FBXL17: variants seen among roughly 807,000 people sequenced by gnomAD.
The protein encoded by FBXL17 is F-box/LRR-repeat protein 17.
A neutral mutation model predicts 66.2 loss-of-function variants in FBXL17; 22 were observed. That is an observed-to-expected ratio of 0.33 (90% CI 0.24 to 0.47). The LOEUF is 0.47. Among genes scored for constraint, FBXL17 ranks in the 20% least tolerant of loss-of-function variants. The pLI is 1.00. For synonymous variants in FBXL17, 474 were observed against 400.5 expected (o/e 1.18, Z -2.19); for missense variants, 878 against 948.2 (o/e 0.93, Z 0.97).
chr5:108,144,291 T>C (rs772069166), intron 6 of FBXL17, among the ~76,000 whole-genome samples: 3 of 152,102 alleles, frequency 2.0e-5, no homozygotes, highest in Non-Finnish European at 4.4e-5. Flanking sequence ...AAAAAACCAA[T>C]TCTATATGAA....
intron 7 of FBXL17, among the ~76,000 whole-genome samples, chr5:107,990,690 A>T (rs1753204563): frequency 6.6e-6 from 1 of 152,186 alleles, no homozygotes; most frequent in African/African-American, 2.4e-5. Context: ...ATTAGTTACT[A>T]TTATGAATAA....
intron 6 of FBXL17, among the ~76,000 whole-genome samples, chr5:108,090,849 G>T (rs1026315403): frequency 2.6e-5 from 4 of 152,138 alleles, no homozygotes; most frequent in African/African-American, 7.2e-5. Flanking sequence ...ACCTTGGAAA[G>T]TTAGTTTTAC....
chr5:108,344,358 A>G (rs1166424764), intron 4 of FBXL17, among the ~76,000 whole-genome samples: 1 of 152,166 alleles, frequency 6.6e-6, no homozygotes, highest in Non-Finnish European at 1.5e-5. Context: ...GTCACAATTA[A>G]CTTTCAGGAA....
At chr5:107,981,441 T>A (rs1409854624) in intron 7 of FBXL17, among the ~76,000 whole-genome samples, 1 of 152,194 alleles carries the variant, frequency 6.6e-6, no homozygotes, top group Non-Finnish European at 1.5e-5. Flanking sequence ...TTCCACAGCA[T>A]ACAGATTTTG....
intron 6 of FBXL17, among the ~76,000 whole-genome samples, chr5:108,070,218 A>G (rs368053680): frequency 6.6e-6 from 1 of 152,194 alleles, no homozygotes; most frequent in African/African-American, 2.4e-5. Context: ...AGATCCACTA[A>G]CATGTAATCT....
intron 3 of FBXL17, among the ~76,000 whole-genome samples, chr5:108,349,109 CTT>C (rs1747479939): frequency 6.6e-6 from 1 of 152,060 alleles, no homozygotes; most frequent in South Asian, 2.1e-4. Flanking sequence ...CCCAGCCTCT[CTT>C]GAGTCTTAAT....
chr5:108,082,569 G>C (rs1748810988), intron 6 of FBXL17, among the ~76,000 whole-genome samples: 1 of 152,116 alleles, frequency 6.6e-6, no homozygotes, highest in Non-Finnish European at 1.5e-5. Flanking sequence ...AAAGTAGCAG[G>C]CTCTTCTGTT....
At chr5:107,916,319 C>G (rs769685695) in intron 7 of FBXL17, among the ~76,000 whole-genome samples, 1 of 152,180 alleles carries the variant, frequency 6.6e-6, no homozygotes, top group African/African-American at 2.4e-5. Context: ...TGGGAATGCT[C>G]TTTGTTGAGA....
intron 4 of FBXL17, among the ~76,000 whole-genome samples, chr5:108,290,748 G>A (rs764349130): frequency 6.6e-6 from 1 of 151,964 alleles, no homozygotes; most frequent in South Asian, 2.1e-4. Context: ...TTCCATAAAG[G>A]TCTTATGTAT....
chr5:108,143,728 A>G (rs902679987), intron 6 of FBXL17, among the ~76,000 whole-genome samples: 1 of 72,866 alleles, frequency 1.4e-5, no homozygotes, highest in South Asian at 4.9e-4. Flanking sequence ...TTTCATGGGA[A>G]AAAAAAAAAA....
At chr5:108,305,711 A>G (rs947471047) in intron 4 of FBXL17, among the ~76,000 whole-genome samples, 2 of 152,146 alleles carry the variant, frequency 1.3e-5, no homozygotes, top group Non-Finnish European at 2.9e-5. Flanking sequence ...TGAACTGAAA[A>G]TAAAGAGAAG....
At position 108,368,001 on chromosome 5, in the gene FBXL17, G is replaced by C. The variant is rs764185300; in HGVS notation, c.994-48C>G. On this transcript the variant is annotated intron_variant, in intron 1 of 8. Transcript: ENST00000542267. ...TATAATATGTGCTAAACATTTTCAA[G>C]GCACAGGAAAAGGTTTTTATTAGTT... 1.9e-5 allele frequency: 28 copies of C among 1,500,182 alleles called. No homozygotes were observed. In the East Asian group the frequency reaches 6.3e-4, roughly 34 times the overall value. 92.9% of individuals were successfully genotyped at this position (1,500,182 alleles called of 1,614,324 possible). A position where few individuals can be genotyped will look rare whatever the true frequency, so the allele number is the denominator to read the frequency against.
chr5:108,051,972 G>A (rs761526501), intron 6 of FBXL17, among the ~76,000 whole-genome samples: 4 of 151,916 alleles, frequency 2.6e-5, no homozygotes, highest in East Asian at 1.9e-4. Context: ...AACTAGCCGG[G>A]TCTGGTGGCG....
chr5:108,271,879 C>G (rs1757283708), intron 4 of FBXL17, among the ~76,000 whole-genome samples: 1 of 152,168 alleles, frequency 6.6e-6, no homozygotes, highest in African/African-American at 2.4e-5. Context: ...CTCTGTGCTT[C>G]AGTTTCTTCA....
At chr5:107,869,549 A>T (rs577612906) in intron 8 of FBXL17, among the ~76,000 whole-genome samples, 1 of 152,260 alleles carries the variant, frequency 6.6e-6, no homozygotes, top group East Asian at 1.9e-4. Flanking sequence ...AGAGCAGATG[A>T]TATATTGATT....
chr5:108,300,468 T>C (rs993603389), intron 4 of FBXL17, among the ~76,000 whole-genome samples: 1 of 151,870 alleles, frequency 6.6e-6, no homozygotes, highest in African/African-American at 2.4e-5. Flanking sequence ...AATTAAATGG[T>C]TGAATCAAAT....
intron 7 of FBXL17, among the ~76,000 whole-genome samples, chr5:107,920,194 T>G (rs1750265167): frequency 6.6e-6 from 1 of 152,218 alleles, no homozygotes; most frequent in South Asian, 2.1e-4. Context: ...ATATTGAAAC[T>G]GTGGATGTGA....
chr5:108,059,027 T>C (rs1412485462), intron 6 of FBXL17, among the ~76,000 whole-genome samples: 2 of 152,190 alleles, frequency 1.3e-5, no homozygotes, highest in African/African-American at 4.8e-5. Flanking sequence ...TCACAATGCA[T>C]ATATGACCAT....
chr5:107,894,303 T>C (rs970078672), intron 7 of FBXL17, among the ~76,000 whole-genome samples: 1 of 152,188 alleles, frequency 6.6e-6, no homozygotes, highest in South Asian at 2.1e-4. Context: ...TGTAATTACT[T>C]TGAAAGGAAT....
Sources: allele counts gnomAD v4.1 joint callset (sites outside exome capture counted in the v4.1 genomes callset), GRCh38; gene constraint gnomAD v4.1.1; transcripts MANE v1.5; gene names NCBI Gene and HGNC (gene_info 2026-07-23, HGNC 2026-07-21).